CADM2: variants seen among roughly 807,000 people sequenced by gnomAD.
The protein encoded by CADM2 is cell adhesion molecule 2, also known as immunoglobulin superfamily member 4D.
In CADM2, 12 loss-of-function variants were observed where a neutral mutation model predicts 49.8. The observed-to-expected ratio is 0.24, with a 90% confidence interval of 0.15 to 0.39. The LOEUF (loss-of-function observed/expected upper bound fraction) is 0.39. Among genes scored for constraint, CADM2 ranks in the 10% least tolerant of loss-of-function variants. The pLI, the probability that CADM2 is intolerant of heterozygous loss-of-function variation, is 1.00. For missense variants in CADM2, 378 were observed against 492.3 expected (o/e 0.77, Z 2.20); for synonymous variants, 214 against 175.4 (o/e 1.22, Z -1.74).
chr3:85,967,363 A>T (rs560091306), intron 8 of CADM2, among the ~76,000 whole-genome samples: 1 of 151,814 alleles, frequency 6.6e-6, no homozygotes, highest in African/African-American at 2.4e-5. Flanking sequence ...CAAATATGTA[A>T]CAGATGTGCA....
chr3:85,494,930 C>A (rs114070937), intron 1 of CADM2, among the ~76,000 whole-genome samples: 1 of 152,044 alleles, frequency 6.6e-6, no homozygotes, highest in African/African-American at 2.4e-5. Context: ...CGAAAGAAAA[C>A]GTTAGACATG....
At chr3:85,211,026 A>G (rs914847784) in intron 1 of CADM2, among the ~76,000 whole-genome samples, 16 of 152,162 alleles carry the variant, frequency 1.1e-4, no homozygotes, top group African/African-American at 3.9e-4. Context: ...GTACTTGTGT[A>G]GGAATTTATT....
At chr3:85,374,749 T>C (rs1356412294) in intron 1 of CADM2, among the ~76,000 whole-genome samples, 2 of 152,066 alleles carry the variant, frequency 1.3e-5, no homozygotes, top group Non-Finnish European at 2.9e-5. Flanking sequence ...GCAGAAAAAC[T>C]ACCTTTTATA....
intron 1 of CADM2, among the ~76,000 whole-genome samples, chr3:85,240,553 G>A (rs916657204): frequency 2.6e-5 from 4 of 151,444 alleles, no homozygotes; most frequent in Non-Finnish European, 5.9e-5. Context: ...TGAATGGTTT[G>A]AGGATAGATT....
rs186875687 is a variant in CADM2 at position 85,168,403 on chromosome 3, A to G, written c.61+208735A>G. ...TTAGTTTTGTGAAAACATAATGTACATAATTGACCATGTTGTCAATGTTCA... is the reference window on the plus strand; with the variant it reads ...TTAGTTTTGTGAAAACATAATGTACGTAATTGACCATGTTGTCAATGTTCA... On this transcript the variant is annotated intron_variant, in intron 1 of 9. Coordinates refer to ENST00000383699, the MANE Select transcript of CADM2 (RefSeq NM_001167675.2). Among the ~76,000 whole-genome samples, 11 of 152,332 alleles carry G rather than the reference A, an allele frequency of 7.2e-5. No homozygotes were observed. The East Asian group carries it at 2.1e-3, about 29-fold the overall frequency.
intron 5 of CADM2, among the ~76,000 whole-genome samples, chr3:85,906,885 A>T (rs542005971): frequency 1.3e-5 from 2 of 152,228 alleles, no homozygotes; most frequent in African/African-American, 2.4e-5. Flanking sequence ...ACAAAAAAGT[A>T]TTGACATTTC....
At chr3:84,984,048 T>TACACACAC (rs10603844) in intron 1 of CADM2, among the ~76,000 whole-genome samples, 3 of 143,232 alleles carry the variant, frequency 2.1e-5, no homozygotes, top group Admixed American at 7.1e-5. Context: ...TATATATATA[T>TACACACAC]ACACACACAC....
chr3:85,873,062 T>A (rs1407405329), intron 3 of CADM2, among the ~76,000 whole-genome samples: 1 of 152,150 alleles, frequency 6.6e-6, no homozygotes, highest in Non-Finnish European at 1.5e-5. Flanking sequence ...TTGTGCTGTA[T>A]CATGGCAGAA....
At chr3:85,354,783 A>G (rs1195411518) in intron 1 of CADM2, among the ~76,000 whole-genome samples, 2 of 152,074 alleles carry the variant, frequency 1.3e-5, no homozygotes, top group Non-Finnish European at 2.9e-5. Context: ...ACAGGCTGGG[A>G]AGCCTGGGCT....
chr3:85,486,504 C>T (rs1474432907), intron 1 of CADM2, among the ~76,000 whole-genome samples: 1 of 152,096 alleles, frequency 6.6e-6, no homozygotes, highest in Non-Finnish European at 1.5e-5. Context: ...AATTTTATTT[C>T]TGCTCTTATT....
intron 3 of CADM2, among the ~76,000 whole-genome samples, chr3:85,847,228 A>C (rs2074921316): frequency 6.6e-6 from 1 of 152,220 alleles, no homozygotes; most frequent in Non-Finnish European, 1.5e-5. Context: ...AGAACACACT[A>C]AGAGGCTTTT....
intron 1 of CADM2, among the ~76,000 whole-genome samples, chr3:85,549,055 A>G (rs1463105283): frequency 2.0e-5 from 3 of 152,216 alleles, no homozygotes; most frequent in African/African-American, 4.8e-5. Context: ...ACCTGGTCCT[A>G]TGAAGCCAAG....
chr3:85,014,542 T>C (rs2034159192), intron 1 of CADM2, among the ~76,000 whole-genome samples: 1 of 152,176 alleles, frequency 6.6e-6, no homozygotes, highest in Admixed American at 6.5e-5. Flanking sequence ...GGGTTTGGAA[T>C]ATATCTTCCA....
intron 6 of CADM2, among the ~76,000 whole-genome samples, chr3:85,923,699 T>C (rs1189741834): frequency 6.6e-6 from 1 of 152,202 alleles, no homozygotes; most frequent in East Asian, 1.9e-4. Flanking sequence ...TTTATATCAC[T>C]TGCATAAACC....
At chr3:86,024,911 C>T (rs1293646258) in intron 8 of CADM2, among the ~76,000 whole-genome samples, 1 of 151,778 alleles carries the variant, frequency 6.6e-6, no homozygotes. Flanking sequence ...GAGACAGAGT[C>T]TCACTCTGTC....
chr3:85,841,538 C>T (rs1382371729), intron 3 of CADM2, among the ~76,000 whole-genome samples: 1 of 152,008 alleles, frequency 6.6e-6, no homozygotes, highest in Non-Finnish European at 1.5e-5. Context: ...CTGTTTTCAG[C>T]TTGTCCTGAA....
intron 1 of CADM2, among the ~76,000 whole-genome samples, chr3:85,486,090 C>T (rs540312849): frequency 6.6e-6 from 1 of 152,034 alleles, no homozygotes; most frequent in Non-Finnish European, 1.5e-5. Context: ...AAGTAAAACT[C>T]ATTTGCTCCT....
Position 85,878,407 on chromosome 3 carries a change from C to T in CADM2, c.239-4884C>T, listed in dbSNP as rs571644060. ...TTTCAGAGCCTAGTTTTTAATTAGT[C>T]AAGGCTGGTAATAATCATAGAAACA... On this transcript the variant is annotated intron_variant, in intron 3 of 9. Transcript: ENST00000383699. 7.2e-5 allele frequency among the ~76,000 whole-genome samples: 11 copies of T among 152,058 alleles called. No homozygotes were observed. The East Asian group carries it at 2.1e-3, about 29-fold the overall frequency.
At chr3:85,814,741 T>C (rs1029846572) in intron 3 of CADM2, among the ~76,000 whole-genome samples, 2 of 151,902 alleles carry the variant, frequency 1.3e-5, no homozygotes, top group African/African-American at 2.4e-5. Context: ...ACTATAGAAA[T>C]GGTAGTTCTA....
Sources: gnomAD v4.1 joint callset for allele counts (sites outside exome capture counted in the v4.1 genomes callset) on GRCh38, gnomAD v4.1.1 for gene constraint, MANE v1.5 for transcripts, NCBI Gene and HGNC (gene_info 2026-07-23, HGNC 2026-07-21) for gene names.